The following EVA1C variants were observed in gnomAD, a reference collection of about 807,000 sequenced individuals.
EVA1C encodes eva-1 homolog C.
EVA1C carries 25 observed loss-of-function variants against 45.4 expected under a neutral mutation model. That is an observed-to-expected ratio of 0.55 (90% CI 0.40 to 0.77). The LOEUF (loss-of-function observed/expected upper bound fraction) is 0.77. EVA1C is among the 30% of genes least tolerant of loss of function. The pLI, the probability that EVA1C is intolerant of heterozygous loss-of-function variation, is 0.00. For synonymous variants in EVA1C, 190 were observed against 221.2 expected, an observed-to-expected ratio of 0.86 and a Z score of 1.25; for missense variants, 479 against 554.8, an observed-to-expected ratio of 0.86 and a Z score of 1.37.
chr21:32,467,950 G>A (rs2036238451), intron 4 of EVA1C, 102 bp downstream of exon 4: 12 of 764,982 alleles, frequency 1.6e-5, no homozygotes, highest in Non-Finnish European at 2.1e-5. Context: ...GATTGTGAAA[G>A]TCAATACTTA....
chr21:32,434,498 G>A (rs28677978), intron 1 of EVA1C, among the ~76,000 whole-genome samples: 42,656 of 151,462 alleles, frequency 0.28, 10,020 homozygotes, highest in African/African-American at 0.63. Context: ...GGCTGAGGCA[G>A]GAGAATGGCA....
chr21:32,421,575 C>T (rs558536386), intron 1 of EVA1C, among the ~76,000 whole-genome samples: 29 of 152,136 alleles, frequency 1.9e-4, no homozygotes, highest in Non-Finnish European at 3.4e-4. Flanking sequence ...ATAAAGTTGT[C>T]CCATGATACC....
intron 2 of EVA1C, among the ~76,000 whole-genome samples, chr21:32,455,201 C>T (rs868260874): frequency 3.9e-5 from 6 of 151,926 alleles, no homozygotes; most frequent in African/African-American, 7.3e-5. Flanking sequence ...GGTTGGAGAA[C>T]GCTGGTACTC....
At chr21:32,457,976 T>C (rs945740729) in intron 3 of EVA1C, among the ~76,000 whole-genome samples, 1 of 152,206 alleles carries the variant, frequency 6.6e-6, no homozygotes, top group African/African-American at 2.4e-5. Context: ...TAAAAATCCT[T>C]TCCAATATGT....
intron 5 of EVA1C, among the ~76,000 whole-genome samples, chr21:32,498,934 AGT>A (rs2037440864): frequency 6.6e-6 from 1 of 152,186 alleles, no homozygotes; most frequent in Admixed American, 6.5e-5. Context: ...AAATCTGACA[AGT>A]GTGTTGACAA....
Position 32,514,965 on chromosome 21 carries a change from G to T in EVA1C, c.1101G>T (p.Lys367Asn). 6.2e-7 allele frequency: 1 copy of T among 1,614,174 alleles called. No individual in the cohort carries two copies. Among genetic ancestry groups the T allele is most frequent in the Non-Finnish European group, 8.5e-7 (1 of 1,180,022 alleles). The part of the protein sequence containing the change: ...GREQLVPGSD[K>N]VEEDSEDEEE... Reference sequence around the variant, plus strand: ...AGCAGCTGGTGCCAGGAAGTGACAAGGTCGAGGAGGACAGCGAGGATGAAG... The same window carrying T: ...AGCAGCTGGTGCCAGGAAGTGACAATGTCGAGGAGGACAGCGAGGATGAAG... Residue 367 changes from lysine (K) to asparagine (N), a missense_variant, in exon 8 of 8, where the codon AAG (lysine) becomes AAT (asparagine). Around this residue, in one of 3 missense-constraint regions of EVA1C, gnomAD observed 366 missense variants for 426.1 expected, o/e 0.86. Transcript: ENST00000300255.
chr21:32,420,156 G>A (rs759317035), intron 1 of EVA1C, among the ~76,000 whole-genome samples: 1 of 146,266 alleles, frequency 6.8e-6, no homozygotes, highest in African/African-American at 2.6e-5. Context: ...ATACTTTTAG[G>A]GTTTTAAAAA....
intron 1 of EVA1C, among the ~76,000 whole-genome samples, chr21:32,424,517 T>C (rs763134482): frequency 1.3e-5 from 2 of 152,228 alleles, no homozygotes; most frequent in Non-Finnish European, 2.9e-5. Context: ...CCTTTGTCAA[T>C]TTCCTTGTAA....
chr21:32,412,114 C>G (rs1487250190), upstream of EVA1C: 1 of 152,318 alleles, frequency 6.6e-6, no homozygotes, highest in African/African-American at 2.4e-5. Context: ...TTGAGACCTC[C>G]AGCTCGTCGC....
chr21:32,445,752 A>G lies in EVA1C; in HGVS notation c.161-7560A>G, dbSNP rs113629880. ...ATCTGTATTCAAAAAATGAAAACCT[A>G]AGAACTTTGGTCTAAGCTGTTCTAA... On this transcript the variant is annotated intron_variant, in intron 1 of 7. Coordinates refer to ENST00000300255, the MANE Select transcript of EVA1C (RefSeq NM_058187.5). Among the ~76,000 whole-genome samples, 11 of 152,308 alleles carry G rather than the reference A, an allele frequency of 7.2e-5. 1 individual carries two copies. The highest frequency in any genetic ancestry group is 2.6e-4 in the African/African-American group (11 of 41,558).
chr21:32,466,316 G>T (rs2036171706), intron 3 of EVA1C, among the ~76,000 whole-genome samples: 2 of 151,850 alleles, frequency 1.3e-5, no homozygotes, highest in Admixed American at 1.3e-4. Context: ...CTACTTGGGA[G>T]GCTGAGGCAA....
chr21:32,419,386 C>T (rs1755005540), intron 1 of EVA1C, among the ~76,000 whole-genome samples: 1 of 152,212 alleles, frequency 6.6e-6, no homozygotes, highest in Non-Finnish European at 1.5e-5. Context: ...AATTTAGAAG[C>T]AGGATTTGAA....
intron 5 of EVA1C, among the ~76,000 whole-genome samples, chr21:32,500,119 G>A (rs1444285419): frequency 6.6e-6 from 1 of 151,948 alleles, no homozygotes; most frequent in Non-Finnish European, 1.5e-5. Flanking sequence ...TTTGATGGTG[G>A]GTTTTGAGTT....
At chr21:32,501,978 T>G (rs931756426) in intron 6 of EVA1C, among the ~76,000 whole-genome samples, 5 of 148,962 alleles carry the variant, frequency 3.4e-5, no homozygotes, top group African/African-American at 1.2e-4. Context: ...TCTCTCTCTC[T>G]CGCTCTTTTC....
intron 2 of EVA1C, among the ~76,000 whole-genome samples, chr21:32,456,135 GC>G (rs1391793338): frequency 1.3e-5 from 2 of 152,120 alleles, no homozygotes; most frequent in Non-Finnish European, 2.9e-5. Flanking sequence ...CAGGTGATCT[GC>G]CCGCTTCGGC....
Position 32,504,021 on chromosome 21 carries a change from T to A in EVA1C, c.949+6T>A. On this transcript the variant is annotated splice_donor_region_variant and intron_variant, in intron 7 of 7. Coordinates refer to ENST00000300255, the MANE Select transcript of EVA1C (RefSeq NM_058187.5). ...AGCCTTTGCTTACATTAGAGGTAGG[T>A]CAATGAATCAAAGCTTCCTAGAATG... 1 of 1,587,752 alleles carries A rather than the reference T, an allele frequency of 6.3e-7. No homozygotes were observed. The highest frequency in any genetic ancestry group is 1.7e-5 in the Admixed American group (1 of 59,164).
chr21:32,461,024 G>A (rs1023878506), intron 3 of EVA1C, among the ~76,000 whole-genome samples: 7 of 152,250 alleles, frequency 4.6e-5, no homozygotes, highest in Non-Finnish European at 7.3e-5. Flanking sequence ...AGGATCACAG[G>A]CGTGAACCAC....
chr21:32,511,100 C>T (rs1191731499), intron 7 of EVA1C, among the ~76,000 whole-genome samples: 1 of 151,740 alleles, frequency 6.6e-6, no homozygotes, highest in East Asian at 2.0e-4. Flanking sequence ...AAAGGATTAT[C>T]ATCAAGAGTC....
At chr21:32,507,636 G>A (rs894991230) in intron 7 of EVA1C, among the ~76,000 whole-genome samples, 7 of 151,882 alleles carry the variant, frequency 4.6e-5, no homozygotes, top group African/African-American at 1.7e-4. Context: ...ATCTGTGTGT[G>A]CATGGGTTTG....
Sources: allele counts gnomAD v4.1 joint callset (sites outside exome capture counted in the v4.1 genomes callset), GRCh38; gene constraint gnomAD v4.1.1; regional missense constraint gnomAD v4.1.1; transcripts MANE v1.5; gene names NCBI Gene and HGNC (gene_info 2026-07-23, HGNC 2026-07-21).